Variants in MKLN1 observed in about 807,000 individuals in gnomAD.
The protein encoded by MKLN1 is muskelin 1.
In MKLN1, 18 loss-of-function variants were observed where a neutral mutation model predicts 99.0. The observed-to-expected ratio is 0.18, with a 90% CI of 0.13 to 0.27. The LOEUF is 0.27. Among genes scored for constraint, MKLN1 ranks in the 10% least tolerant of loss-of-function variants. The pLI is 1.00. For missense variants in MKLN1, 621 were observed against 875.9 expected (o/e 0.71, Z 3.67); for synonymous variants, 288 against 293.2 (o/e 0.98, Z 0.18).
intron 2 of MKLN1, among the ~76,000 whole-genome samples, chr7:131,386,001 T>A (rs1319023637): frequency 6.6e-6 from 1 of 151,100 alleles, no homozygotes; most frequent in African/African-American, 2.4e-5. Flanking sequence ...GCTCTTACAT[T>A]TAGGTCTTCA....
chr7:131,366,064 G>A lies in MKLN1; in HGVS notation c.99-9360G>A, dbSNP rs563370912. Among the ~76,000 whole-genome samples the A allele has an allele frequency of 2.6e-5, 4 of 152,214 alleles. No individual in the cohort carries two copies. In the South Asian group the frequency reaches 8.3e-4, roughly 32 times the overall value. On this transcript the variant is annotated intron_variant, in intron 1 of 17. Transcript: ENST00000352689. ...CGTGAGTAGTGTTTCCTAGAATTGT[G>A]CAATTCAACTCCCCTGATTACAGCT...
intron 17 of MKLN1, among the ~76,000 whole-genome samples, chr7:131,483,568 T>TA (rs1797184614): frequency 6.6e-6 from 1 of 152,258 alleles, no homozygotes; most frequent in African/African-American, 2.4e-5. Context: ...AACATCACTC[T>TA]AACTCATACC....
intron 3 of MKLN1, among the ~76,000 whole-genome samples, chr7:131,254,893 G>C (rs2116523324): frequency 6.6e-6 from 1 of 152,100 alleles, no homozygotes. Flanking sequence ...AGAAACAATG[G>C]CTGAAATTTT....
chr7:131,284,054 G>T (rs778734913), intron 3 of MKLN1, among the ~76,000 whole-genome samples: 4 of 152,180 alleles, frequency 2.6e-5, no homozygotes, highest in Non-Finnish European at 5.9e-5. Flanking sequence ...GTTATGGCCA[G>T]TTTTTTGCTA....
rs754555976 is a variant in MKLN1, at chr7:131,201,544, A to G, written c.-296-1313A>G. 6.6e-4 allele frequency among the ~76,000 whole-genome samples: 101 copies of G among 152,238 alleles called. 1 individual carries two copies. Among genetic ancestry groups the G allele is most frequent in the Admixed American group, 4.6e-4 (7 of 15,284 alleles). ...GCACCTTGGTAAACTCATAAAATGA[A>G]TAAGGTTACTGGGTAATTCATCTAA... On this transcript the variant is annotated intron_variant, in intron 2 of 7. Transcript: ENST00000416992.
chr7:131,121,423 A>C (rs1795367037), intron 1 of MKLN1, among the ~76,000 whole-genome samples: 1 of 152,020 alleles, frequency 6.6e-6, no homozygotes, highest in African/African-American at 2.4e-5. Flanking sequence ...CCTTTTCTTT[A>C]AAAATTACCC....
At chr7:131,362,451 T>TA (rs1055482799) in intron 1 of MKLN1, among the ~76,000 whole-genome samples, 2 of 152,000 alleles carry the variant, frequency 1.3e-5, no homozygotes, top group Non-Finnish European at 2.9e-5. Context: ...AGGAAGTTTT[T>TA]AAAAAAAGTC....
In MKLN1 at chr7:131,493,288, A is replaced by G. The variant is rs1584797129; in HGVS notation, c.*5560A>G. On this transcript the variant is annotated 3_prime_UTR_variant, in exon 18 of 18. Transcript: ENST00000352689. Reference sequence around the variant, plus strand: ...AAGTCCTATTTTGCTTATCTAAGGCATTTTGACTTGGAAGTATTAAACTTC... The same window carrying G: ...AAGTCCTATTTTGCTTATCTAAGGCGTTTTGACTTGGAAGTATTAAACTTC... 6.6e-6 allele frequency: 1 copy of G among 152,322 alleles called. No individual in the cohort carries two copies. Among genetic ancestry groups the G allele is most frequent in the African/African-American group, 2.4e-5 (1 of 41,566 alleles). The allele number at this position is 152,322 out of a possible 1,614,324, so 9.4% of individuals were successfully genotyped here. A position where few individuals can be genotyped will look rare whatever the true frequency, so the allele number is the denominator to read the frequency against.
intron 2 of MKLN1, among the ~76,000 whole-genome samples, chr7:131,191,182 T>A (rs1459277037): frequency 2.0e-5 from 3 of 152,160 alleles, no homozygotes; most frequent in Non-Finnish European, 2.9e-5. Context: ...AAAGCTAAGG[T>A]CTAAAAGTAG....
At chr7:131,417,835 G>C (rs148492128) in intron 8 of MKLN1, among the ~76,000 whole-genome samples, 41 of 152,196 alleles carry the variant, frequency 2.7e-4, no homozygotes, top group East Asian at 2.3e-3. Context: ...CGTTAGTTAC[G>C]TCTGGTGGTA....
intron 1 of MKLN1, among the ~76,000 whole-genome samples, chr7:131,132,997 T>G (rs17133198): frequency 0.44 from 64,808 of 146,220 alleles, 15,584 homozygotes; most frequent in Non-Finnish European, 0.55. Flanking sequence ...AGAGCATGAC[T>G]GTGCCTTGCA....
At chr7:131,160,467 TTTAAC>T (rs1240179936) in intron 2 of MKLN1, among the ~76,000 whole-genome samples, 1 of 146,956 alleles carries the variant, frequency 6.8e-6, no homozygotes, top group Non-Finnish European at 1.5e-5. Context: ...GAACTCTATG[TTTAAC>T]TTATTTTATT....
intron 15 of MKLN1, among the ~76,000 whole-genome samples, chr7:131,467,445 G>C (rs952687047): frequency 3.9e-5 from 6 of 152,148 alleles, no homozygotes; most frequent in Non-Finnish European, 8.8e-5. Flanking sequence ...AGTTTTAAAT[G>C]AGAATATCAG....
At chr7:131,236,389 G>A (rs574601984) in intron 3 of MKLN1, among the ~76,000 whole-genome samples, 40 of 152,218 alleles carry the variant, frequency 2.6e-4, no homozygotes, top group African/African-American at 9.1e-4. Context: ...GGCCAGGCAC[G>A]GTGGCTCACG....
At chr7:131,397,484 C>G (rs1794394771) in intron 5 of MKLN1, 108 bp downstream of exon 5, 1 of 624,374 alleles carries the variant, frequency 1.6e-6, no homozygotes, top group Non-Finnish European at 2.7e-6. Flanking sequence ...ATAATAACAA[C>G]AGTTAGCTAA....
At chr7:131,432,092 T>C (rs1253475326) in intron 9 of MKLN1, among the ~76,000 whole-genome samples, 1 of 152,224 alleles carries the variant, frequency 6.6e-6, no homozygotes, top group Non-Finnish European at 1.5e-5. Flanking sequence ...TTTATATTCA[T>C]GTTTCCCTAT....
intron 12 of MKLN1, among the ~76,000 whole-genome samples, chr7:131,446,926 A>T (rs1796033995): frequency 6.6e-6 from 1 of 152,250 alleles, no homozygotes; most frequent in Non-Finnish European, 1.5e-5. Context: ...AGGTTTCCAG[A>T]TAAAAGTAGA....
intron 1 of MKLN1, among the ~76,000 whole-genome samples, chr7:131,332,359 T>A (rs992611134): frequency 6.7e-5 from 10 of 148,322 alleles, no homozygotes; most frequent in Non-Finnish European, 1.3e-4. Flanking sequence ...TATGTAAATA[T>A]ATATATATTC....
intron 2 of MKLN1, among the ~76,000 whole-genome samples, chr7:131,184,275 C>T (rs1002386274): frequency 2.0e-5 from 3 of 152,110 alleles, no homozygotes; most frequent in African/African-American, 7.2e-5. Flanking sequence ...TAGGTGTGCA[C>T]CACTGTGCCT....
Sources: allele counts gnomAD v4.1 joint callset (sites outside exome capture counted in the v4.1 genomes callset), GRCh38; gene constraint gnomAD v4.1.1; transcripts MANE v1.5; gene names NCBI Gene and HGNC (gene_info 2026-07-23, HGNC 2026-07-21).